CD59: variants seen among roughly 807,000 people sequenced by gnomAD.
CD59 encodes the protein CD59 molecule (CD59 blood group).
CD59 carries 3 observed loss-of-function variants against 7.0 expected under a neutral mutation model. The observed-to-expected ratio is 0.43, with a 90% CI of 0.19 to 1.10. The LOEUF (loss-of-function observed/expected upper bound fraction) is 1.10, where lower values mean the gene tolerates loss of function less well. CD59 is among the 50% of genes least tolerant of loss of function. The pLI, the probability that CD59 is intolerant of heterozygous loss-of-function variation, is 0.29. For synonymous variants in CD59, 60 were observed against 62.0 expected, an observed-to-expected ratio of 0.97 and a Z score of 0.15; for missense variants, 143 against 151.0, an observed-to-expected ratio of 0.95 and a Z score of 0.28.
intron 1 of CD59, among the ~76,000 whole-genome samples, chr11:33,726,440 C>T (rs535968941): frequency 6.6e-6 from 1 of 152,150 alleles, no homozygotes; most frequent in East Asian, 1.9e-4. Context: ...GGGTAAATAA[C>T]GAAATGAAGG....
chr11:33,731,767 G>A (rs1255754380), intron 1 of CD59, among the ~76,000 whole-genome samples: 1 of 151,190 alleles, frequency 6.6e-6, no homozygotes, highest in African/African-American at 2.4e-5. Flanking sequence ...GAAGCTGTTA[G>A]TTCTTAAATA....
chr11:33,725,827 C>T (rs1203003533), intron 1 of CD59, among the ~76,000 whole-genome samples: 2 of 151,886 alleles, frequency 1.3e-5, no homozygotes, highest in Admixed American at 1.3e-4. Context: ...AGGCTACTCA[C>T]AATGAATTAA....
rs534375493 is a variant in CD59 at position 33,710,258 on chromosome 11, C to T, written c.255G>A (p.Thr85=). ...ACAGGTCCTTCTTGCAGCAGTAGTA[C>T]GTTAGCTCATTTTCCCTCAAGCGGG... ...VTTRLRENEL[T]YYCCKKDLCN... is the part of the protein sequence containing the mutation. Residue 85 remains threonine (T), a synonymous_variant, in exon 4 of 4, where the codon ACG becomes ACA. Coordinates refer to ENST00000642928, the MANE Select transcript of CD59 (RefSeq NM_000611.6). The T allele has an allele frequency of 5.6e-6, 9 of 1,614,030 alleles. No homozygotes were observed. The highest frequency in any genetic ancestry group is 1.6e-4 in the Middle Eastern group (1 of 6,084).
intron 3 of CD59, among the ~76,000 whole-genome samples, chr11:33,715,591 C>T (rs1853754356): frequency 6.6e-6 from 1 of 152,154 alleles, no homozygotes; most frequent in Non-Finnish European, 1.5e-5. Flanking sequence ...CAGAGCAAGA[C>T]CTTGTCTCAA....
chr11:33,713,754 C>T (rs1853665488), intron 3 of CD59, among the ~76,000 whole-genome samples: 1 of 152,194 alleles, frequency 6.6e-6, no homozygotes, highest in Admixed American at 6.5e-5. Context: ...TACTATGTGT[C>T]GTGCAGCGTA....
chr11:33,708,658 C>G lies in CD59; in HGVS notation c.*1468G>C, dbSNP rs1407392463. 3 of 150,156 alleles carry G rather than the reference C, an allele frequency of 2.0e-5. No individual in the cohort carries two copies. The highest frequency in any genetic ancestry group is 4.4e-5 in the Non-Finnish European group (3 of 67,810). The allele number at this position is 150,156 out of a possible 1,614,324, so 9.3% of individuals were successfully genotyped here. A position where few individuals can be genotyped will look rare whatever the true frequency, so the allele number is the denominator to read the frequency against. ...AAAGACACTGAGCTAACAGAGAACA[C>G]AGAGCACCAAGGTAATGCTAAGTTT... On this transcript the variant is annotated 3_prime_UTR_variant, in exon 4 of 4. Transcript: ENST00000642928.
chr11:33,716,886 C>T (rs1297369273), intron 3 of CD59, among the ~76,000 whole-genome samples: 1 of 152,184 alleles, frequency 6.6e-6, no homozygotes. Flanking sequence ...TACCAGATAC[C>T]CCATGGAATG....
At chr11:33,726,345 G>A (rs149753424) in intron 1 of CD59, among the ~76,000 whole-genome samples, 2 of 152,296 alleles carry the variant, frequency 1.3e-5, no homozygotes, top group East Asian at 3.8e-4. Flanking sequence ...AGAACACAGT[G>A]CAATCAAATT....
intron 1 of CD59, among the ~76,000 whole-genome samples, chr11:33,724,104 C>T (rs1250222191): frequency 3.9e-5 from 6 of 152,160 alleles, no homozygotes; most frequent in African/African-American, 1.4e-4. Flanking sequence ...GCAAGGTCCT[C>T]TCTCCAAACA....
chr11:33,728,989 T>C (rs1237741704), intron 1 of CD59, among the ~76,000 whole-genome samples: 1 of 152,190 alleles, frequency 6.6e-6, no homozygotes, highest in Non-Finnish European at 1.5e-5. Context: ...CCAGTTAGAA[T>C]GGCGATCATT....
chr11:33,719,779 C>A (rs1464963064), intron 2 of CD59, among the ~76,000 whole-genome samples: 1 of 152,228 alleles, frequency 6.6e-6, no homozygotes, highest in Non-Finnish European at 1.5e-5. Flanking sequence ...TGGGCAGGGC[C>A]CCATCCACCA....
At chr11:33,722,342 G>A in intron 2 of CD59, 37 bp downstream of exon 2, 2 of 1,475,550 alleles carry the variant, frequency 1.4e-6, no homozygotes, top group Non-Finnish European at 9.5e-7. Flanking sequence ...CATGGCCAAG[G>A]CAGCCTAGAT....
At chr11:33,734,795 T>C (rs1036720200) in intron 1 of CD59, among the ~76,000 whole-genome samples, 2 of 152,220 alleles carry the variant, frequency 1.3e-5, no homozygotes, top group Non-Finnish European at 1.5e-5. Context: ...GGCTTGGCAA[T>C]GTCTGTGGCG....
At chr11:33,729,155 G>A (rs1854341450) in intron 1 of CD59, among the ~76,000 whole-genome samples, 1 of 152,058 alleles carries the variant, frequency 6.6e-6, no homozygotes, top group Admixed American at 6.6e-5. Flanking sequence ...CCCATTACTG[G>A]GTATATATCC....
chr11:33,724,979 G>A (rs886704187), intron 1 of CD59, among the ~76,000 whole-genome samples: 1 of 152,050 alleles, frequency 6.6e-6, no homozygotes, highest in African/African-American at 2.4e-5. Flanking sequence ...GTATGTGTAT[G>A]GGGGGCGGAG....
chr11:33,715,142 A>G (rs960378471), intron 3 of CD59, among the ~76,000 whole-genome samples: 1 of 151,970 alleles, frequency 6.6e-6, no homozygotes, highest in African/African-American at 2.4e-5. Context: ...AATATAGTAA[A>G]TACACAAACC....
At chr11:33,719,146 A>G (rs1853935160) in intron 2 of CD59, 1 of 152,224 alleles carries the variant, frequency 6.6e-6, no homozygotes, top group Non-Finnish European at 1.5e-5. Context: ...TAGATTTTTC[A>G]GTGGAAAGTC....
rs1247610246 is a variant in CD59 at position 33,717,420 on chromosome 11, GT to G, written c.118del (p.Thr40GlnfsTer40). 6.2e-7 allele frequency: 1 copy of G among 1,613,646 alleles called. No homozygotes were observed. Among genetic ancestry groups the G allele is most frequent in the Non-Finnish European group, 8.5e-7 (1 of 1,179,704 alleles). On this transcript the variant is annotated frameshift_variant, in exon 3 of 4. Transcript: ENST00000642928. LOFTEE classifies it high-confidence loss of function. The part of the protein sequence containing the change: ...NCPNPTADCK[T>X]AVNCSSDFDA... Reference sequence around the variant, plus strand: ...AAAATCAGATGAACAATTGACGGCTGTTTTGCAGTCAGCAGTTGGGTTAGGA... The same window carrying G: ...AAAATCAGATGAACAATTGACGGCTGTTTGCAGTCAGCAGTTGGGTTAGGA...
chr11:33,732,049 A>C (rs1343292772), intron 1 of CD59, among the ~76,000 whole-genome samples: 1 of 152,064 alleles, frequency 6.6e-6, no homozygotes, highest in Non-Finnish European at 1.5e-5. Flanking sequence ...CTTGGCTCTC[A>C]TATTTCTGTC....
Sources: gnomAD v4.1 joint callset for allele counts (sites outside exome capture counted in the v4.1 genomes callset) on GRCh38, gnomAD v4.1.1 for gene constraint, MANE v1.5 for transcripts, NCBI Gene and HGNC (gene_info 2026-07-23, HGNC 2026-07-21) for gene names.